Variants in KCNIP4 observed in about 807,000 individuals in gnomAD.
KCNIP4 encodes potassium voltage-gated channel interacting protein 4, also known as Kv channel-interacting protein 4.
A neutral mutation model predicts 34.0 loss-of-function variants in KCNIP4; 12 were observed. The ratio of observed to expected loss-of-function variants is 0.35; its 90% CI spans 0.23 to 0.57. KCNIP4 has a LOEUF of 0.57. KCNIP4 is among the 20% of genes least tolerant of loss of function. The pLI, the probability that KCNIP4 is intolerant of heterozygous loss-of-function variation, is 0.83. For synonymous variants in KCNIP4, 124 were observed against 102.2 expected (o/e 1.21, Z -1.29); for missense variants, 238 against 311.7 (o/e 0.76, Z 1.78).
At chr4:21,741,608 T>C (rs6448072) in intron 1 of KCNIP4, among the ~76,000 whole-genome samples, 94,983 of 152,066 alleles carry the variant, frequency 0.62, 31,149 homozygotes, top group African/African-American at 0.77. Context: ...TCCAGTAGTC[T>C]TAGTTTTAAA....
chr4:20,776,568 G>A (rs1355281445), intron 3 of KCNIP4, among the ~76,000 whole-genome samples: 4 of 152,102 alleles, frequency 2.6e-5, no homozygotes, highest in Non-Finnish European at 5.9e-5. Context: ...GAATTAGAAT[G>A]CTATATTTTA....
At chr4:21,827,373 A>C (rs1722736735) in intron 1 of KCNIP4, among the ~76,000 whole-genome samples, 1 of 152,054 alleles carries the variant, frequency 6.6e-6, no homozygotes, top group Non-Finnish European at 1.5e-5. Flanking sequence ...CAATGGAGTA[A>C]AAAATACTTC....
intron 3 of KCNIP4, among the ~76,000 whole-genome samples, chr4:20,827,325 C>CT (rs1717883123): frequency 6.6e-6 from 1 of 152,118 alleles, no homozygotes; most frequent in Non-Finnish European, 1.5e-5. Context: ...GACGGGATTG[C>CT]TTTTCACTGA....
intron 1 of KCNIP4, among the ~76,000 whole-genome samples, chr4:20,960,900 T>C (rs1733784160): frequency 6.6e-6 from 1 of 152,204 alleles, no homozygotes. Flanking sequence ...AGGAAGTCTC[T>C]AATAAGACAT....
intron 1 of KCNIP4, among the ~76,000 whole-genome samples, chr4:21,908,626 G>T (rs976648706): frequency 6.6e-6 from 1 of 152,166 alleles, no homozygotes; most frequent in African/African-American, 2.4e-5. Context: ...GAATATAACG[G>T]ACTGAACTAA....
intron 1 of KCNIP4, among the ~76,000 whole-genome samples, chr4:20,912,108 G>A (rs911223280): frequency 1.5e-4 from 23 of 152,084 alleles, no homozygotes; most frequent in African/African-American, 5.6e-4. Context: ...GCACTAGTAT[G>A]GTTACAAGAA....
intron 1 of KCNIP4, among the ~76,000 whole-genome samples, chr4:21,379,658 A>G (rs1721298654): frequency 6.6e-6 from 1 of 152,226 alleles, no homozygotes; most frequent in African/African-American, 2.4e-5. Context: ...ATAGAACCCT[A>G]GCACATAGCT....
At chr4:21,852,718 T>C (rs992521257) in intron 1 of KCNIP4, 1 of 152,188 alleles carries the variant, frequency 6.6e-6, no homozygotes, top group African/African-American at 2.4e-5. Flanking sequence ...TCACTCTGCA[T>C]GCAACTGGTC....
At chr4:20,840,967 T>C (rs1340966549) in intron 3 of KCNIP4, among the ~76,000 whole-genome samples, 1 of 152,192 alleles carries the variant, frequency 6.6e-6, no homozygotes, top group Non-Finnish European at 1.5e-5. Context: ...TGGCGACTCT[T>C]GCAAGGGAAT....
At chr4:21,252,131 T>TC (rs1760750332) in intron 1 of KCNIP4, among the ~76,000 whole-genome samples, 1 of 80,754 alleles carries the variant, frequency 1.2e-5, no homozygotes, top group South Asian at 5.2e-4. Context: ...GAGGTTTTGT[T>TC]TTTTTTTTTT....
chr4:20,882,201 T>C (rs569676291), intron 2 of KCNIP4, among the ~76,000 whole-genome samples: 153 of 152,330 alleles, frequency 1.0e-3, no homozygotes, highest in African/African-American at 3.4e-3. Flanking sequence ...AATCTAGTGA[T>C]ATTTCTGAAT....
At position 21,757,216 on chromosome 4, in the gene KCNIP4, AAAGAAAGAAAGAAAGAAAGAAAGAAAG is replaced by A. The variant is rs2109158923; in HGVS notation, c.61+191328_61+191354del. Among the ~76,000 whole-genome samples the A allele has an allele frequency of 1.9e-4, 5 of 26,710 alleles. 1 individual carries two copies. Among genetic ancestry groups the A allele is most frequent in the African/African-American group, 1.4e-3 (5 of 3,478 alleles). 17.5% of individuals were successfully genotyped at this position (26,710 alleles called of 152,430 possible). On this transcript the variant is annotated intron_variant, in intron 1 of 8. Transcript: ENST00000382152. ...GAAGGAAGGAAAGAAAGAAAGAAAG[AAAGAAAGAAAGAAAGAAAGAAAGAAAG>A]AAAGAAAAGAAAAGAAAAGAAAAGA...
At chr4:20,940,523 T>C (rs1463442644) in intron 1 of KCNIP4, among the ~76,000 whole-genome samples, 1 of 152,208 alleles carries the variant, frequency 6.6e-6, no homozygotes, top group Non-Finnish European at 1.5e-5. Context: ...CAGAGATTGA[T>C]GAAATTCATG....
At chr4:21,681,276 T>TA (rs200872659) in intron 1 of KCNIP4, among the ~76,000 whole-genome samples, 262 of 148,152 alleles carry the variant, frequency 1.8e-3, no homozygotes, top group African/African-American at 6.4e-3. Flanking sequence ...AATTTTAATT[T>TA]TTTTTTTTTT....
chr4:21,237,641 A>C (rs1287621262), intron 1 of KCNIP4, among the ~76,000 whole-genome samples: 1 of 152,216 alleles, frequency 6.6e-6, no homozygotes, highest in African/African-American at 2.4e-5. Context: ...AGAAATGGAT[A>C]AATTCCTCGA....
chr4:21,755,080 G>A (rs1717414085), intron 1 of KCNIP4, among the ~76,000 whole-genome samples: 1 of 152,150 alleles, frequency 6.6e-6, no homozygotes, highest in Non-Finnish European at 1.5e-5. Flanking sequence ...GAATCCCAGA[G>A]GCAGAGGTAG....
At chr4:21,191,223 T>A (rs1755624237) in intron 1 of KCNIP4, among the ~76,000 whole-genome samples, 1 of 152,194 alleles carries the variant, frequency 6.6e-6, no homozygotes. Flanking sequence ...CTGAGTCACC[T>A]TTTCAGCAAA....
chr4:20,828,989 T>A (rs562299880), intron 3 of KCNIP4, among the ~76,000 whole-genome samples: 1 of 152,258 alleles, frequency 6.6e-6, no homozygotes, highest in South Asian at 2.1e-4. Context: ...GCTTTTCAAT[T>A]GGGGACGTCA....
rs1357100792 is a variant in KCNIP4, at chr4:21,512,194, AAC to A, written c.61+436375_61+436376del. Among the ~76,000 whole-genome samples the A allele has an allele frequency of 1.5e-3, 34 of 23,422 alleles. 1 individual carries two copies. The highest frequency in any genetic ancestry group is 2.6e-3 in the African/African-American group (33 of 12,548). The allele number at this position is 23,422 out of a possible 152,430, so 15.4% of individuals were successfully genotyped here. ...GGAGGAAGGAAGGAACGAACGAAGG[AAC>A]GAACGAAGGAAGGAAGGAAGGAAGG... On this transcript the variant is annotated intron_variant, in intron 1 of 8. Coordinates refer to ENST00000382152, the MANE Select transcript of KCNIP4 (RefSeq NM_025221.6).
Sources: gnomAD v4.1 joint callset for allele counts (sites outside exome capture counted in the v4.1 genomes callset) on GRCh38, gnomAD v4.1.1 for gene constraint, MANE v1.5 for transcripts, NCBI Gene and HGNC (gene_info 2026-07-23, HGNC 2026-07-21) for gene names.